Variants in ARFGEF1 observed in about 807,000 individuals in gnomAD.
ARFGEF1 encodes the protein ARF guanine nucleotide exchange factor 1, also known as brefeldin A-inhibited guanine nucleotide-exchange protein 1.
In ARFGEF1, 42 loss-of-function variants were observed where a neutral mutation model predicts 231.0. The observed-to-expected ratio is 0.18, with a 90% CI of 0.14 to 0.24. ARFGEF1 has a LOEUF of 0.24. Among genes scored for constraint, ARFGEF1 ranks in the 10% least tolerant of loss-of-function variants. The probability of loss-of-function intolerance (pLI) is 1.00; values close to 1 mark genes in which losing one functional copy is unlikely to be tolerated. For synonymous variants in ARFGEF1, 710 were observed against 732.3 expected (o/e 0.97, Z 0.49); for missense variants, 1,345 against 2,192.0 (o/e 0.61, Z 7.72).
At chr8:67,195,849 C>G (rs898853393), downstream of ARFGEF1, 1 of 419,952 alleles carries the variant, frequency 2.4e-6, no homozygotes, top group East Asian at 4.5e-5. Flanking sequence ...CTGGATTGAA[C>G]TACTATATGT....
chr8:67,263,171 A>T (rs189195231), intron 14 of ARFGEF1, among the ~76,000 whole-genome samples: 2 of 152,182 alleles, frequency 1.3e-5, no homozygotes, highest in East Asian at 3.9e-4. Flanking sequence ...CATGTCTTTT[A>T]CCTGCTCCAT....
chr8:67,319,760 A>G (rs1807492734), intron 1 of ARFGEF1, among the ~76,000 whole-genome samples: 1 of 152,214 alleles, frequency 6.6e-6, no homozygotes, highest in Non-Finnish European at 1.5e-5. Context: ...ATAAAAGGTA[A>G]GCTACAGAAA....
At position 67,204,802 on chromosome 8, in the gene ARFGEF1, A is replaced by G; in HGVS notation, c.4837T>C (p.Leu1613=). 6.2e-7 allele frequency: 1 copy of G among 1,613,960 alleles called. No homozygotes were observed. The highest frequency in any genetic ancestry group is 8.5e-7 in the Non-Finnish European group (1 of 1,179,974). The change falls in exon 35 of 39, where the codon TTG becomes CTG. Residue 1613 remains leucine, a synonymous_variant. Coordinates refer to ENST00000262215, the MANE Select transcript of ARFGEF1 (RefSeq NM_006421.5). ...KSTAKFPEQK[L]FAALLIKCVV... is the part of the protein sequence containing the mutation. ...CATTTAATCAACAGGGCAGCAAACAATTTTTGTTCTGGAAATTCTGTGAGG... is the reference window on the plus strand; with the variant it reads ...CATTTAATCAACAGGGCAGCAAACAGTTTTTGTTCTGGAAATTCTGTGAGG...
At position 67,258,072 on chromosome 8, in the gene ARFGEF1, G is replaced by C; in HGVS notation, c.2441+13C>G. The C allele has an allele frequency of 1.2e-6, 2 of 1,600,538 alleles. No individual in the cohort carries two copies. The highest frequency in any genetic ancestry group is 1.3e-5 in the African/African-American group (1 of 74,694). Reference sequence around the variant, plus strand: ...TATAACAGACAATCAATGAGCATTTGAACCTTATTTACCCTTGGTTGCATT... The same window carrying C: ...TATAACAGACAATCAATGAGCATTTCAACCTTATTTACCCTTGGTTGCATT... On this transcript the variant is annotated intron_variant, in intron 16 of 38. Transcript: ENST00000262215.
chr8:67,187,203 G>A (rs1834915160), intron 5 of ARFGEF1, among the ~76,000 whole-genome samples: 1 of 152,158 alleles, frequency 6.6e-6, no homozygotes, highest in Non-Finnish European at 1.5e-5. Flanking sequence ...TTATTATGTG[G>A]ATAACAACAA....
chr8:67,279,191 C>A, intron 7 of ARFGEF1, among the ~76,000 whole-genome samples: 1 of 151,990 alleles, frequency 6.6e-6, no homozygotes, highest in East Asian at 1.9e-4. Flanking sequence ...AAACTGAGTT[C>A]CTATCTCATT....
intron 1 of ARFGEF1, among the ~76,000 whole-genome samples, chr8:67,317,945 T>C (rs909406287): frequency 8.5e-6 from 1 of 118,232 alleles, no homozygotes; most frequent in Non-Finnish European, 1.8e-5. Flanking sequence ...ACCATAGAAA[T>C]AGGCTAAACA....
intron 5 of ARFGEF1, among the ~76,000 whole-genome samples, chr8:67,184,035 TA>T (rs1236152679): frequency 1.3e-5 from 2 of 152,088 alleles, no homozygotes; most frequent in South Asian, 2.1e-4. Flanking sequence ...GTATTTTTAG[TA>T]GAGACGGGGT....
Position 67,205,861 on chromosome 8 carries a change from A to T in ARFGEF1, c.4820-1042T>A, listed in dbSNP as rs527292240. ...CAAGAGAGAGAGACTCCGTCTCAAAAAAATAAATAAATAAATAAATAAATA... is the reference window on the plus strand; with the variant it reads ...CAAGAGAGAGAGACTCCGTCTCAAATAAATAAATAAATAAATAAATAAATA... On this transcript the variant is annotated intron_variant, in intron 34 of 38. Transcript: ENST00000262215. 2.9e-4 allele frequency among the ~76,000 whole-genome samples: 43 copies of T among 150,240 alleles called. No individual in the cohort carries two copies. The South Asian group carries it at 4.8e-3, about 17-fold the overall frequency.
chr8:67,303,900 T>TC (rs1806616872), intron 1 of ARFGEF1, among the ~76,000 whole-genome samples: 12 of 152,242 alleles, frequency 7.9e-5, no homozygotes, highest in Admixed American at 7.2e-4. Context: ...TTGACAACAA[T>TC]CCTATGAGGT....
intron 2 of ARFGEF1, 114 bp from the exon 3 acceptor site, chr8:67,301,494 C>A: frequency 8.8e-7 from 1 of 1,135,638 alleles, no homozygotes; most frequent in East Asian, 2.6e-5. Context: ...AACCAGTCCT[C>A]TATCTTCCCA....
intron 35 of ARFGEF1, among the ~76,000 whole-genome samples, chr8:67,204,328 C>T (rs928292514): frequency 3.3e-5 from 5 of 152,266 alleles, no homozygotes; most frequent in South Asian, 2.1e-4. Context: ...ATTTAACAAG[C>T]GACTGATCAC....
chr8:67,193,691 T>C (rs1227763740), downstream of ARFGEF1: 62 of 1,182,760 alleles, frequency 5.2e-5, no homozygotes, highest in South Asian at 7.1e-4. Context: ...GTCTGAGGGA[T>C]AGATGGAATG....
intron 11 of ARFGEF1, 34 bp from the exon 12 acceptor site, chr8:67,267,264 C>T: frequency 1.9e-6 from 3 of 1,605,802 alleles, no homozygotes; most frequent in South Asian, 1.1e-5. Context: ...CAACAAAGTA[C>T]ATCTAGGATA....
chr8:67,198,097 A>T lies in ARFGEF1; in HGVS notation c.*837T>A, dbSNP rs1430922624. 3 of 985,718 alleles carry T rather than the reference A, an allele frequency of 3.0e-6. No homozygotes were observed. The African/African-American group carries it at 5.2e-5, about 17-fold the overall frequency. 61.1% of individuals were successfully genotyped at this position (985,718 alleles called of 1,614,324 possible). Reference sequence around the variant, plus strand: ...ATTCTATTTTAATGGCTCATCTTTAAAAGTCCTAAGAGAAATATGTGACAG... The same window carrying T: ...ATTCTATTTTAATGGCTCATCTTTATAAGTCCTAAGAGAAATATGTGACAG... On this transcript the variant is annotated 3_prime_UTR_variant, in exon 39 of 39. Coordinates refer to ENST00000262215, the MANE Select transcript of ARFGEF1 (RefSeq NM_006421.5).
At chr8:67,175,182 T>A, downstream of ARFGEF1, 2 of 758,922 alleles carry the variant, frequency 2.6e-6, no homozygotes, top group Non-Finnish European at 4.5e-6. Context: ...TCACTATTTC[T>A]ATCATTTCCT....
intron 29 of ARFGEF1, among the ~76,000 whole-genome samples, chr8:67,222,511 G>A (rs1013279973): frequency 6.6e-6 from 1 of 151,418 alleles, no homozygotes; most frequent in African/African-American, 2.4e-5. Flanking sequence ...GGAGTAGAGT[G>A]GCACTCTCAG....
At chr8:67,236,057 C>T (rs986977843) in intron 22 of ARFGEF1, among the ~76,000 whole-genome samples, 3 of 151,316 alleles carry the variant, frequency 2.0e-5, no homozygotes, top group Non-Finnish European at 4.4e-5. Context: ...CACTTTGGGA[C>T]GCCAAGGCGG....
intron 1 of ARFGEF1, among the ~76,000 whole-genome samples, chr8:67,314,291 G>T (rs1194554196): frequency 6.6e-6 from 1 of 152,134 alleles, no homozygotes; most frequent in African/African-American, 2.4e-5. Flanking sequence ...TGACTAGGAG[G>T]CTTCTCATTC....
Sources: allele counts gnomAD v4.1 joint callset (sites outside exome capture counted in the v4.1 genomes callset), GRCh38; gene constraint gnomAD v4.1.1; transcripts MANE v1.5; gene names NCBI Gene and HGNC (gene_info 2026-07-23, HGNC 2026-07-21).